The following INSR variants were observed in gnomAD, a reference collection of about 807,000 sequenced individuals.
INSR encodes the protein IR.
INSR carries 67 observed loss-of-function variants against 142.6 expected under a neutral mutation model. The ratio of observed to expected loss-of-function variants is 0.47; its 90% CI spans 0.39 to 0.58. INSR has a LOEUF of 0.58. Among genes scored for constraint, INSR ranks in the 20% least tolerant of loss-of-function variants. INSR has a pLI of 0.00. For synonymous variants in INSR, 756 were observed against 743.1 expected, an observed-to-expected ratio of 1.02 and a Z score of -0.28; for missense variants, 1,248 against 1,833.2, an observed-to-expected ratio of 0.68 and a Z score of 5.83.
chr19:7,213,944 T>C (rs112998618), intron 2 of INSR, among the ~76,000 whole-genome samples: 6,275 of 151,812 alleles, frequency 0.041, 430 homozygotes, highest in African/African-American at 0.14. Context: ...GAGCAGAGAT[T>C]GTGCCATTGC....
At chr19:7,254,370 G>C (rs8102052) in intron 2 of INSR, among the ~76,000 whole-genome samples, 1 of 151,854 alleles carries the variant, frequency 6.6e-6, no homozygotes, top group Non-Finnish European at 1.5e-5. Flanking sequence ...AAGTAAATAA[G>C]TAAATAAAAT....
chr19:7,270,360 C>A (rs936642945), intron 1 of INSR, among the ~76,000 whole-genome samples: 3 of 151,506 alleles, frequency 2.0e-5, no homozygotes, highest in East Asian at 1.9e-4. Context: ...CACACACACA[C>A]ACACACACAC....
intron 2 of INSR, among the ~76,000 whole-genome samples, chr19:7,245,171 C>T (rs565273198): frequency 9.5e-4 from 144 of 151,962 alleles, no homozygotes; most frequent in African/African-American, 3.3e-3. Context: ...CTCCTGACCT[C>T]GTGATCCACC....
rs955308469 is a variant in INSR at position 7,113,701 on chromosome 19, T to C, written c.*3355A>G. On this transcript the variant is annotated 3_prime_UTR_variant, in exon 22 of 22. Transcript: ENST00000302850. ...ACTACAAACTCCCAGGACAACCGTG[T>C]CTTTCTAGGACCAAAGTTTTATTGT... 2.6e-5 allele frequency: 4 copies of C among 152,184 alleles called. No individual in the cohort carries two copies. Among genetic ancestry groups the C allele is most frequent in the African/African-American group, 9.7e-5 (4 of 41,436 alleles). 9.4% of individuals were successfully genotyped at this position (152,184 alleles called of 1,614,324 possible).
intron 20 of INSR, among the ~76,000 whole-genome samples, chr19:7,120,051 G>A (rs1599867358): frequency 6.6e-6 from 1 of 152,312 alleles, no homozygotes; most frequent in Non-Finnish European, 1.5e-5. Flanking sequence ...AGTCCAGCTA[G>A]GAACTGCTTG....
At chr19:7,288,266 G>A (rs562555785) in intron 1 of INSR, among the ~76,000 whole-genome samples, 22 of 151,842 alleles carry the variant, frequency 1.4e-4, no homozygotes, top group African/African-American at 4.3e-4. Context: ...CCCAGGAGGC[G>A]GAGGCAAGCA....
intron 7 of INSR, 87 bp downstream of exon 7, chr19:7,167,881 A>G: frequency 6.4e-7 from 1 of 1,553,982 alleles, no homozygotes; most frequent in Non-Finnish European, 8.9e-7. Flanking sequence ...ACAGGAACCC[A>G]AGAGGGGCAG....
At chr19:7,139,364 G>C (rs1259658940) in intron 13 of INSR, among the ~76,000 whole-genome samples, 3 of 152,290 alleles carry the variant, frequency 2.0e-5, no homozygotes, top group African/African-American at 7.2e-5. Flanking sequence ...ATGGTTTCCA[G>C]ATAAAATTAG....
At chr19:7,178,719 AAAACAAAC>A (rs113438249) in intron 3 of INSR, among the ~76,000 whole-genome samples, 1 of 151,940 alleles carries the variant, frequency 6.6e-6, no homozygotes, top group South Asian at 2.1e-4. Context: ...ACTCCGTCTC[AAAACAAAC>A]AAACAAACAA....
intron 8 of INSR, among the ~76,000 whole-genome samples, chr19:7,164,863 G>A (rs888145993): frequency 6.8e-6 from 1 of 147,720 alleles, no homozygotes; most frequent in Non-Finnish European, 1.5e-5. Context: ...CTGGCATGGT[G>A]GCTTATGCCT....
chr19:7,292,067 A>G (rs1382228413), intron 1 of INSR, among the ~76,000 whole-genome samples: 1 of 149,498 alleles, frequency 6.7e-6, no homozygotes, highest in African/African-American at 2.5e-5. Flanking sequence ...TGCTGGGATT[A>G]CAAGCGTGAG....
chr19:7,189,315 A>T (rs886086855), intron 2 of INSR, among the ~76,000 whole-genome samples: 16 of 152,212 alleles, frequency 1.1e-4, no homozygotes, highest in African/African-American at 3.9e-4. Flanking sequence ...AGACAATGGG[A>T]AGAAAAATTA....
At chr19:7,155,970 C>A (rs1388898453) in intron 9 of INSR, among the ~76,000 whole-genome samples, 3 of 148,956 alleles carry the variant, frequency 2.0e-5, no homozygotes, top group Non-Finnish European at 3.0e-5. Flanking sequence ...AGCCAGGTCA[C>A]AGCTGCATGA....
At chr19:7,293,390 G>T (rs569125554) in intron 1 of INSR, among the ~76,000 whole-genome samples, 1 of 152,166 alleles carries the variant, frequency 6.6e-6, no homozygotes, top group Non-Finnish European at 1.5e-5. Context: ...TGCGCTCGGG[G>T]GACTTGGCTG....
At chr19:7,283,509 G>T (rs181584784) in intron 1 of INSR, among the ~76,000 whole-genome samples, 1 of 152,030 alleles carries the variant, frequency 6.6e-6, no homozygotes, top group Non-Finnish European at 1.5e-5. Flanking sequence ...GTGCAGTCTC[G>T]GCTCACTGCA....
intron 10 of INSR, 151 bp downstream of exon 10, chr19:7,152,575 T>TCTTAGATCTTGCC (rs1973399991): frequency 1.3e-6 from 1 of 758,394 alleles, no homozygotes; most frequent in African/African-American, 1.7e-5. Flanking sequence ...CTGCAAGATC[T>TCTTAGATCTTGCC]CTTCCTCCAC....
At chr19:7,208,165 T>TAGG (rs1254483944) in intron 2 of INSR, among the ~76,000 whole-genome samples, 1 of 152,096 alleles carries the variant, frequency 6.6e-6, no homozygotes, top group Non-Finnish European at 1.5e-5. Context: ...TCATGCCACG[T>TAGG]AACTATTCTG....
rs564998478 is a variant in INSR, at chr19:7,119,641, C to CGT, written c.3660-59_3660-58insAC. ...AGCCATTTAGACACACACACACACG[C>CGT]GCGCGCGCAAACACACACACGCAAA... On this transcript the variant is annotated intron_variant, in intron 20 of 21. Transcript: ENST00000302850. This position sits in a 1 kb window ranked among gnomAD's most constrained non-coding sequence, Gnocchi z 5.2. 3.9e-4 allele frequency: 630 copies of CGT among 1,595,806 alleles called. 3 individuals carry two copies. In the African/African-American group the frequency reaches 7.4e-3, roughly 19 times the overall value.
intron 15 of INSR, among the ~76,000 whole-genome samples, chr19:7,126,990 C>A (rs1972662629): frequency 6.6e-6 from 1 of 152,088 alleles, no homozygotes; most frequent in East Asian, 1.9e-4. Context: ...TCTTAACCTT[C>A]TGGGCTCCAG....
Sources: allele counts gnomAD v4.1 joint callset (sites outside exome capture counted in the v4.1 genomes callset), GRCh38; gene constraint gnomAD v4.1.1; non-coding constraint Gnocchi (gnomAD v3.1); transcripts MANE v1.5; gene names NCBI Gene and HGNC (gene_info 2026-07-23, HGNC 2026-07-21).